The following CAPN14 variants were observed in gnomAD, a reference collection of about 807,000 sequenced individuals.
CAPN14 encodes calpain-14.
Under a neutral mutation model 101.3 loss-of-function variants are expected in CAPN14, and 94 were observed. The ratio of observed to expected loss-of-function variants is 0.93; its 90% confidence interval spans 0.79 to 1.10. CAPN14 has a LOEUF of 1.10. CAPN14 is among the 50% of genes least tolerant of loss of function. The pLI, the probability that CAPN14 is intolerant of heterozygous loss-of-function variation, is 0.00. For missense variants in CAPN14, 837 were observed against 828.4 expected (o/e 1.01, Z -0.13); for synonymous variants, 338 against 317.9 (o/e 1.06, Z -0.67).
chr2:31,201,235 G>A (rs1350206895), intron 5 of CAPN14, among the ~76,000 whole-genome samples: 1 of 151,748 alleles, frequency 6.6e-6, no homozygotes, highest in East Asian at 1.9e-4. Flanking sequence ...GTTTGCGTGT[G>A]TGTGTGCATG....
At chr2:31,222,767 C>G (rs1682897510) in intron 2 of CAPN14, among the ~76,000 whole-genome samples, 1 of 152,130 alleles carries the variant, frequency 6.6e-6, no homozygotes, top group Non-Finnish European at 1.5e-5. Flanking sequence ...AGAAAAAGAT[C>G]TGGAGTTCAA....
At chr2:31,176,522 C>A in intron 21 of CAPN14, 65 bp downstream of exon 21, 1 of 1,283,528 alleles carries the variant, frequency 7.8e-7, no homozygotes, top group Non-Finnish European at 1.1e-6. Context: ...TTCACAAGAG[C>A]ATGGTCCCGC....
At chr2:31,181,029 G>T (rs1680567144) in intron 16 of CAPN14, 29 bp from the exon 17 acceptor site, 2 of 1,547,560 alleles carry the variant, frequency 1.3e-6, no homozygotes, top group Non-Finnish European at 1.7e-6. Context: ...GTCCACATGG[G>T]GGCTGGCCCC....
At chr2:31,184,488 C>A (rs150824605) in intron 16 of CAPN14, among the ~76,000 whole-genome samples, 3 of 152,190 alleles carry the variant, frequency 2.0e-5, no homozygotes, top group Non-Finnish European at 4.4e-5. Context: ...AATATGGTGC[C>A]AAGATTTGAA....
At chr2:31,199,902 T>C (rs778636617) in intron 6 of CAPN14, among the ~76,000 whole-genome samples, 3 of 152,234 alleles carry the variant, frequency 2.0e-5, no homozygotes, top group Non-Finnish European at 4.4e-5. Flanking sequence ...GTGCCTTGCA[T>C]GTAGCTGGCA....
chr2:31,226,136 G>A lies in CAPN14; in HGVS notation c.-53+392C>T, dbSNP rs560300963. Among the ~76,000 whole-genome samples the A allele has an allele frequency of 1.8e-4, 28 of 152,152 alleles. 1 individual carries two copies. Among genetic ancestry groups the A allele is most frequent in the African/African-American group, 6.7e-4 (28 of 41,506 alleles). On this transcript the variant is annotated intron_variant and NMD_transcript_variant, in intron 2 of 21. Transcript: ENST00000398824. ...ATCTTTAAGATTTGACAAATCAAAG[G>A]AGAACAGAAGATCATTGAACCGAGA...
intron 1 of CAPN14, among the ~76,000 whole-genome samples, chr2:31,213,485 T>C (rs915854544): frequency 7.9e-5 from 12 of 152,222 alleles, no homozygotes; most frequent in African/African-American, 2.7e-4. Context: ...TACTATGCTG[T>C]CCTTCATAGG....
chr2:31,202,388 G>A (rs927908602), intron 3 of CAPN14, 136 bp from the exon 4 acceptor site: 19 of 658,468 alleles, frequency 2.9e-5, no homozygotes, highest in East Asian at 2.7e-4. Flanking sequence ...CTGGGAAGGC[G>A]GATGATGAGT....
In CAPN14 at chr2:31,199,487, G is replaced by C; in HGVS notation, c.772C>G (p.Leu258Val). ...NGLVEGHAYT[L>V]TGIRKVTCKH... ...CAACCCACCTTCCTGATTCCTGTGA[G>C]AGTATAGGCATGGCCTTCCACCAGC... The change falls in exon 7 of 22, where the codon CTC (leucine) becomes GTC (valine). Residue 258 changes from leucine (L) to valine (V), a missense_variant. Coordinates refer to ENST00000403897, the MANE Select transcript of CAPN14 (RefSeq NM_001145122.2). 1.3e-6 allele frequency: 2 copies of C among 1,551,576 alleles called. No individual in the cohort carries two copies. Among genetic ancestry groups the C allele is most frequent in the Non-Finnish European group, 1.7e-6 (2 of 1,146,924 alleles).
At chr2:31,202,434 C>T (rs1313295597) in intron 3 of CAPN14, among the ~76,000 whole-genome samples, 182 bp from the exon 4 acceptor site, 1 of 152,126 alleles carries the variant, frequency 6.6e-6, no homozygotes, top group East Asian at 1.9e-4. Flanking sequence ...GGCTGAAATC[C>T]AACTTGACCC....
At position 31,202,097 on chromosome 2, in the gene CAPN14, G is replaced by A. The variant is rs958607805; in HGVS notation, c.414+37C>T. 4.5e-6 allele frequency: 7 copies of A among 1,549,136 alleles called. No homozygotes were observed. The Admixed American group carries it at 1.4e-4, about 30-fold the overall frequency. On this transcript the variant is annotated intron_variant, in intron 4 of 21. Coordinates refer to ENST00000403897, the MANE Select transcript of CAPN14 (RefSeq NM_001145122.2). ...GTCCTCCAGGAACCCTTTTTCCTAT[G>A]ACTCCCTCTGGGCTGAGGACCCGGG... is the stretch of plus-strand genomic sequence containing the variant.
chr2:31,189,873 G>A (rs1429261865), intron 12 of CAPN14, among the ~76,000 whole-genome samples: 1 of 152,146 alleles, frequency 6.6e-6, no homozygotes, highest in Non-Finnish European at 1.5e-5. Context: ...AAGGACAGCT[G>A]AGTTCCAATG....
chr2:31,198,893 C>A (rs1031879068), intron 7 of CAPN14, among the ~76,000 whole-genome samples: 1 of 152,232 alleles, frequency 6.6e-6, no homozygotes, highest in Non-Finnish European at 1.5e-5. Flanking sequence ...CTTCTGACTT[C>A]TCCCCAGCCC....
chr2:31,191,057 T>C (rs1195141112), intron 12 of CAPN14, among the ~76,000 whole-genome samples: 1 of 152,224 alleles, frequency 6.6e-6, no homozygotes, highest in African/African-American at 2.4e-5. Context: ...CCAGTCATGA[T>C]TGTAATTTAT....
At position 31,180,966 on chromosome 2, in the gene CAPN14, T is replaced by G. The variant is rs1680563212; in HGVS notation, c.1680A>C (p.Glu560Asp). Residue 560 changes from glutamate (E) to aspartate (D), a missense_variant, in exon 17 of 22, where the codon GAA becomes GAC. Glu to Asp is a conservative substitution (Grantham distance 45). Transcript: ENST00000403897. Reference sequence around the variant, plus strand: ...GTAAGGCCAGGATCCCCTGGCAGGCTTCCAGGCTAAAGAAGGGCTGTCTGC... The same window carrying G: ...GTAAGGCCAGGATCCCCTGGCAGGCGTCCAGGCTAAAGAAGGGCTGTCTGC... ...LGSRQPFFSL[E>D]ACQGILALLD... The G allele has an allele frequency of 6.4e-7, 1 of 1,551,802 alleles. No homozygotes were observed. Among genetic ancestry groups the G allele is most frequent in the Non-Finnish European group, 8.7e-7 (1 of 1,146,986 alleles).
intron 21 of CAPN14, 59 bp from the exon 22 acceptor site, chr2:31,174,766 C>A: frequency 6.6e-7 from 1 of 1,508,888 alleles, no homozygotes; most frequent in South Asian, 1.2e-5. Flanking sequence ...ATCTGGGCCT[C>A]CCCATCCCAC....
chr2:31,176,922 T>C, intron 20 of CAPN14, 104 bp downstream of exon 20: 1 of 862,224 alleles, frequency 1.2e-6, no homozygotes, highest in Non-Finnish European at 1.8e-6. Context: ...GTCTGCTGTT[T>C]CTGGGATGGC....
At chr2:31,218,431 T>C (rs1682749112), upstream of CAPN14, among the ~76,000 whole-genome samples, 1 of 152,200 alleles carries the variant, frequency 6.6e-6, no homozygotes, top group Admixed American at 6.5e-5. Context: ...GGAAATCCTC[T>C]GTCCTCTTCC....
rs1347358005 is a variant in CAPN14 at position 31,200,527 on chromosome 2, G to T, written c.650C>A (p.Ala217Asp). Reference sequence around the variant, plus strand: ...GAGGATGTCCCAGAGGTTGCCATGGGCTTCTGCCAGGTTGATGGTCATTGT... The same window carrying T: ...GAGGATGTCCCAGAGGTTGCCATGGTCTTCTGCCAGGTTGATGGTCATTGT... Reference protein sequence around the residue: ...GVTMTINLAEAHGNLWDILIE... With the variant: ...GVTMTINLAEDHGNLWDILIE... The change falls in exon 6 of 22, where the codon GCC becomes GAC. Residue 217 changes from alanine to aspartate, a missense_variant. Ala to Asp is a moderately radical substitution (Grantham distance 126). Transcript: ENST00000403897. 1 of 1,551,618 alleles carries T rather than the reference G, an allele frequency of 6.4e-7. No homozygotes were observed. Among genetic ancestry groups the T allele is most frequent in the South Asian group, 1.2e-5 (1 of 84,052 alleles).
Sources: allele counts gnomAD v4.1 joint callset (sites outside exome capture counted in the v4.1 genomes callset), GRCh38; gene constraint gnomAD v4.1.1; transcripts MANE v1.5; gene names NCBI Gene and HGNC (gene_info 2026-07-23, HGNC 2026-07-21).